Variants in CREB5 observed in about 807,000 individuals in gnomAD.
CREB5 encodes the protein cyclic AMP-responsive element-binding protein 5.
Under a neutral mutation model 57.1 loss-of-function variants are expected in CREB5, and 19 were observed. That is an observed-to-expected ratio of 0.33 (90% CI 0.23 to 0.49). The LOEUF (loss-of-function observed/expected upper bound fraction) is 0.49, where lower values mean the gene tolerates loss of function less well. CREB5 is among the 20% of genes least tolerant of loss of function. CREB5 has a pLI of 0.99. For synonymous variants in CREB5, 238 were observed against 238.3 expected, an observed-to-expected ratio of 1.00 and a Z score of 0.01; for missense variants, 579 against 671.6, an observed-to-expected ratio of 0.86 and a Z score of 1.52.
At chr7:28,687,353 G>A (rs1800994768) in intron 5 of CREB5, among the ~76,000 whole-genome samples, 1 of 151,352 alleles carries the variant, frequency 6.6e-6, no homozygotes, top group Non-Finnish European at 1.5e-5. Context: ...TAATATTTCA[G>A]AGTAAGAAAT....
intron 5 of CREB5, among the ~76,000 whole-genome samples, chr7:28,619,547 C>T (rs1002407825): frequency 6.6e-6 from 1 of 152,132 alleles, no homozygotes. Context: ...AAATAAACCC[C>T]CTTCTTGAGC....
chr7:28,652,256 G>A (rs1799159909), intron 5 of CREB5, among the ~76,000 whole-genome samples: 1 of 151,996 alleles, frequency 6.6e-6, no homozygotes, highest in Non-Finnish European at 1.5e-5. Context: ...TAACAGGGTA[G>A]CATTTCATAA....
intron 1 of CREB5, among the ~76,000 whole-genome samples, chr7:28,483,971 T>C (rs1004773889): frequency 1.3e-5 from 2 of 152,176 alleles, no homozygotes; most frequent in Admixed American, 6.6e-5. Context: ...GAGTAGAGAA[T>C]GGGCAAGCTG....
intron 7 of CREB5, among the ~76,000 whole-genome samples, chr7:28,774,400 T>C (rs1806508055): frequency 6.6e-6 from 1 of 152,212 alleles, no homozygotes; most frequent in Non-Finnish European, 1.5e-5. Context: ...CCAAATACCA[T>C]TCACAAAGTT....
intron 7 of CREB5, among the ~76,000 whole-genome samples, chr7:28,766,200 C>G (rs1032378027): frequency 6.6e-6 from 1 of 152,024 alleles, no homozygotes; most frequent in African/African-American, 2.4e-5. Flanking sequence ...CTTTGTTATG[C>G]ACCATCTCTT....
At chr7:28,406,531 T>C (rs1787583345) in intron 1 of CREB5, among the ~76,000 whole-genome samples, 1 of 152,184 alleles carries the variant, frequency 6.6e-6, no homozygotes, top group African/African-American at 2.4e-5. Context: ...CAGTTTACCT[T>C]GGTTCTGGTG....
chr7:28,480,374 A>G (rs1431986676), intron 1 of CREB5, among the ~76,000 whole-genome samples: 1 of 152,232 alleles, frequency 6.6e-6, no homozygotes, highest in South Asian at 2.1e-4. Context: ...CGTTGCTATC[A>G]TAGTCTTTTC....
chr7:28,667,968 T>G (rs1799889812), intron 5 of CREB5, among the ~76,000 whole-genome samples: 1 of 152,218 alleles, frequency 6.6e-6, no homozygotes, highest in African/African-American at 2.4e-5. Context: ...GTTTAAAAAA[T>G]GCACGTCTGC....
At chr7:28,808,601 C>T (rs928942519) in intron 8 of CREB5, among the ~76,000 whole-genome samples, 3 of 151,864 alleles carry the variant, frequency 2.0e-5, no homozygotes, top group African/African-American at 4.8e-5. Flanking sequence ...TGCAGTGGCA[C>T]GATCATAGCT....
intron 1 of CREB5, among the ~76,000 whole-genome samples, chr7:28,376,282 T>TTG (rs1430415164): frequency 6.6e-6 from 1 of 151,168 alleles, no homozygotes; most frequent in Non-Finnish European, 1.5e-5. Context: ...TTTTTTTTTT[T>TTG]TTTTTTTGAG....
chr7:28,374,163 A>G (rs566087416), intron 1 of CREB5, among the ~76,000 whole-genome samples: 2 of 152,202 alleles, frequency 1.3e-5, no homozygotes, highest in Non-Finnish European at 2.9e-5. Context: ...TAAAACTACA[A>G]GGAGATACCA....
intron 1 of CREB5, among the ~76,000 whole-genome samples, chr7:28,430,161 C>T (rs1425757206): frequency 2.6e-5 from 4 of 152,196 alleles, no homozygotes; most frequent in African/African-American, 4.8e-5. Context: ...TTGTGTATTA[C>T]ACATTACACA....
At chr7:28,606,387 CTGA>C (rs1797131814) in intron 5 of CREB5, among the ~76,000 whole-genome samples, 1 of 152,112 alleles carries the variant, frequency 6.6e-6, no homozygotes, top group South Asian at 2.1e-4. Context: ...GAATAATTAC[CTGA>C]TGAGTTACCC....
intron 5 of CREB5, among the ~76,000 whole-genome samples, chr7:28,677,286 G>A (rs1185363995): frequency 2.0e-5 from 3 of 152,092 alleles, no homozygotes; most frequent in African/African-American, 7.2e-5. Flanking sequence ...AAATCTCTGG[G>A]GAGTTTTGCT....
intron 7 of CREB5, among the ~76,000 whole-genome samples, chr7:28,774,705 C>T (rs1806522159): frequency 2.0e-5 from 3 of 152,172 alleles, no homozygotes; most frequent in Admixed American, 2.0e-4. Flanking sequence ...AAACACAGCC[C>T]CCACTGCTAT....
intron 7 of CREB5, among the ~76,000 whole-genome samples, chr7:28,794,764 A>T (rs549263436): frequency 7.9e-5 from 12 of 152,252 alleles, no homozygotes; most frequent in Admixed American, 2.6e-4. Context: ...ACACTCTGTC[A>T]CCACCACCAC....
intron 1 of CREB5, among the ~76,000 whole-genome samples, chr7:28,326,119 C>T (rs1785594448): frequency 6.6e-6 from 1 of 152,004 alleles, no homozygotes; most frequent in Admixed American, 6.6e-5. Context: ...TGATTTTAGA[C>T]CTTCTCAGGA....
chr7:28,472,298 T>C (rs937147354), intron 1 of CREB5, among the ~76,000 whole-genome samples: 4 of 152,248 alleles, frequency 2.6e-5, no homozygotes, highest in Admixed American at 6.5e-5. Flanking sequence ...CTAATGTATA[T>C]TGTATATTTA....
At chr7:28,439,246 A>G (rs561618878) in intron 1 of CREB5, among the ~76,000 whole-genome samples, 1 of 152,294 alleles carries the variant, frequency 6.6e-6, no homozygotes, top group East Asian at 1.9e-4. Context: ...TTCACTGCCC[A>G]TAGGGTAAAA....
Sources: gnomAD v4.1 joint callset for allele counts (sites outside exome capture counted in the v4.1 genomes callset) on GRCh38, gnomAD v4.1.1 for gene constraint, MANE v1.5 for transcripts, NCBI Gene and HGNC (gene_info 2026-07-23, HGNC 2026-07-21) for gene names.